The following IQSEC1 variants were observed in gnomAD, a reference collection of about 807,000 sequenced individuals.
The protein encoded by IQSEC1 is IQ motif and SEC7 domain-containing protein 1.
A neutral mutation model predicts 91.0 loss-of-function variants in IQSEC1; 31 were observed. That is an observed-to-expected ratio of 0.34 (90% CI 0.26 to 0.46). The LOEUF (loss-of-function observed/expected upper bound fraction) is 0.46, where lower values mean the gene tolerates loss of function less well. Among genes scored for constraint, IQSEC1 ranks in the 20% least tolerant of loss-of-function variants. The pLI is 1.00. For missense variants in IQSEC1, 1,388 were observed against 1,575.6 expected (o/e 0.88, Z 2.02); for synonymous variants, 699 against 662.6 (o/e 1.05, Z -0.84).
At chr3:13,216,102 T>C (rs1694541786) in intron 1 of IQSEC1, among the ~76,000 whole-genome samples, 1 of 152,238 alleles carries the variant, frequency 6.6e-6, no homozygotes, top group Non-Finnish European at 1.5e-5. Flanking sequence ...CTATTGGAAA[T>C]GCCTTTAAGT....
At chr3:13,156,157 G>C (rs1323412834) in intron 2 of IQSEC1, among the ~76,000 whole-genome samples, 5 of 152,036 alleles carry the variant, frequency 3.3e-5, no homozygotes, top group African/African-American at 7.2e-5. Flanking sequence ...GCTTGAACCT[G>C]GGAGGCAGAG....
At chr3:12,974,125 C>T (rs1049713804) in intron 1 of IQSEC1, among the ~76,000 whole-genome samples, 3 of 152,178 alleles carry the variant, frequency 2.0e-5, no homozygotes, top group Non-Finnish European at 2.9e-5. Flanking sequence ...CAGTGTCCCC[C>T]GCAAGGAGAA....
At chr3:12,946,488 G>C (rs552089130) in intron 1 of IQSEC1, among the ~76,000 whole-genome samples, 1 of 152,308 alleles carries the variant, frequency 6.6e-6, no homozygotes, top group African/African-American at 2.4e-5. Context: ...ATAGATTTGT[G>C]CAAAGGAAAT....
intron 1 of IQSEC1, among the ~76,000 whole-genome samples, chr3:13,004,918 G>A (rs1239172506): frequency 5.9e-5 from 9 of 152,256 alleles, no homozygotes; most frequent in Admixed American, 4.6e-4. Context: ...GAGGTTACAC[G>A]GATTCCCAAG....
intron 3 of IQSEC1, among the ~76,000 whole-genome samples, chr3:12,928,451 G>C (rs1697357350): frequency 6.6e-6 from 1 of 152,170 alleles, no homozygotes; most frequent in Non-Finnish European, 1.5e-5. Context: ...GCTGCAGCTG[G>C]ACAGCCAGGG....
intron 3 of IQSEC1, among the ~76,000 whole-genome samples, chr3:12,934,441 G>T (rs1209359175): frequency 6.6e-6 from 1 of 152,202 alleles, no homozygotes; most frequent in East Asian, 1.9e-4. Context: ...GGCAGACGGA[G>T]CAGGGAGCCA....
At chr3:12,974,508 C>T (rs1050653819) in intron 1 of IQSEC1, among the ~76,000 whole-genome samples, 12 of 152,192 alleles carry the variant, frequency 7.9e-5, no homozygotes, top group African/African-American at 2.4e-4. Context: ...GCAGGGCCCG[C>T]GAAGAACAGT....
In IQSEC1 at chr3:12,936,103, A is replaced by G. The variant is rs1698168376; in HGVS notation, c.913T>C (p.Ser305Pro). ...CTGGACGGCCGGTCCCCTGCCTGCG[A>G]GAGGGGCAGAGGGGGCGACAGCTCC... ...EEELSPPLPL[S>P]QAGDRPSSTE... The change falls in exon 3 of 14, where the codon TCG (serine) becomes CCG (proline). Residue 305 changes from serine (S) to proline (P), a missense_variant. By Grantham distance (74) the Ser-to-Pro change is moderately conservative. Coordinates refer to ENST00000613206, the MANE Select transcript of IQSEC1 (RefSeq NM_001134382.3). 1 of 1,610,954 alleles carries G rather than the reference A, an allele frequency of 6.2e-7. No individual in the cohort carries two copies. Among genetic ancestry groups the G allele is most frequent in the African/African-American group, 1.3e-5 (1 of 74,870 alleles).
At chr3:12,966,120 A>C (rs1202443803) in intron 1 of IQSEC1, among the ~76,000 whole-genome samples, 1 of 152,198 alleles carries the variant, frequency 6.6e-6, no homozygotes, top group Non-Finnish European at 1.5e-5. Context: ...TGGGATATGA[A>C]TAACATGACC....
At chr3:13,227,375 CAA>C (rs753199634) in intron 1 of IQSEC1, among the ~76,000 whole-genome samples, 6 of 70,066 alleles carry the variant, frequency 8.6e-5, no homozygotes, top group Admixed American at 1.8e-4. Flanking sequence ...GACTCTGTCT[CAA>C]AAAAAAAAAA....
At chr3:12,996,368 C>G (rs1414068666) in intron 1 of IQSEC1, among the ~76,000 whole-genome samples, 1 of 152,196 alleles carries the variant, frequency 6.6e-6, no homozygotes, top group Non-Finnish European at 1.5e-5. Flanking sequence ...CACGACTTTT[C>G]TGAGACTCAT....
In IQSEC1 at chr3:12,967,165, G is replaced by A. The variant is rs1472277976; in HGVS notation, c.24-25300C>T. On this transcript the variant is annotated intron_variant, in intron 1 of 13. Coordinates refer to ENST00000613206, the MANE Select transcript of IQSEC1 (RefSeq NM_001134382.3). This position sits in a 1 kb window ranked among gnomAD's most constrained non-coding sequence, Gnocchi z 5.9. Reference sequence around the variant, plus strand: ...CACACACAGCGCTCCTGTCCCAAGGGCGCGTCTCTCTCTCCCACGCACAAA... The same window carrying A: ...CACACACAGCGCTCCTGTCCCAAGGACGCGTCTCTCTCTCCCACGCACAAA... Among the ~76,000 whole-genome samples, 1 of 152,048 alleles carries A rather than the reference G, an allele frequency of 6.6e-6. No homozygotes were observed. The highest frequency in any genetic ancestry group is 6.6e-5 in the Admixed American group (1 of 15,266).
chr3:12,927,380 C>G lies in IQSEC1; in HGVS notation c.1569-2638G>C, dbSNP rs569276858. ...GGGCTAGGCTCCCCGACCCCTGCTGCCTGGTCCCTTCCCCACACAGGTGCA... is the reference window on the plus strand; with the variant it reads ...GGGCTAGGCTCCCCGACCCCTGCTGGCTGGTCCCTTCCCCACACAGGTGCA... On this transcript the variant is annotated intron_variant, in intron 3 of 13. Coordinates refer to ENST00000613206, the MANE Select transcript of IQSEC1 (RefSeq NM_001134382.3). 7.5e-4 allele frequency among the ~76,000 whole-genome samples: 110 copies of G among 146,856 alleles called. 1 individual carries two copies. Among genetic ancestry groups the G allele is most frequent in the African/African-American group, 2.7e-3 (103 of 38,320 alleles).
chr3:12,916,913 A>C lies in IQSEC1; in HGVS notation c.2021-1180T>G, dbSNP rs540067524. On this transcript the variant is annotated intron_variant, in intron 6 of 13. Transcript: ENST00000613206. ...GCAAGGTGCAAAGTAGCAGGGGATA[A>C]AACCATTCCTGCATATGTGCACTTG... Among the ~76,000 whole-genome samples the C allele has an allele frequency of 1.3e-4, 20 of 152,294 alleles. No individual in the cohort carries two copies. In the South Asian group the frequency reaches 3.7e-3, roughly 28 times the overall value.
At chr3:13,262,233 G>A (rs1333938492) in intron 1 of IQSEC1, among the ~76,000 whole-genome samples, 6 of 152,188 alleles carry the variant, frequency 3.9e-5, no homozygotes, top group Non-Finnish European at 5.9e-5. Flanking sequence ...GGGTCTGTGC[G>A]CTCAACACTT....
intron 1 of IQSEC1, among the ~76,000 whole-genome samples, chr3:13,270,187 C>T (rs752809262): frequency 3.3e-4 from 50 of 152,170 alleles, no homozygotes; most frequent in Non-Finnish European, 5.3e-4. Context: ...AGAAGAACCA[C>T]CCAGCCAAGC....
Position 13,073,079 on chromosome 3 carries a change from A to T in IQSEC1, c.-65T>A. The T allele has an allele frequency of 1.9e-6, 3 of 1,547,770 alleles. No individual in the cohort carries two copies. The highest frequency in any genetic ancestry group is 2.6e-6 in the Non-Finnish European group (3 of 1,143,530). On this transcript the variant is annotated 5_prime_UTR_variant, in exon 1 of 14. Transcript: ENST00000613206. Reference sequence around the variant, plus strand: ...CAGCGGGGAGGCTCAACGTGTTTCCAAGAGGAGCAGGCGGCTCAGGCAAGA... The same window carrying T: ...CAGCGGGGAGGCTCAACGTGTTTCCTAGAGGAGCAGGCGGCTCAGGCAAGA...
intron 1 of IQSEC1, among the ~76,000 whole-genome samples, chr3:12,962,462 A>G (rs1700301817): frequency 6.6e-6 from 1 of 152,178 alleles, no homozygotes; most frequent in African/African-American, 2.4e-5. Flanking sequence ...GTTTGTGTGA[A>G]TGAGGAGGAC....
chr3:12,964,833 A>G (rs1700460113), intron 1 of IQSEC1, among the ~76,000 whole-genome samples: 1 of 152,096 alleles, frequency 6.6e-6, no homozygotes, highest in South Asian at 2.1e-4. Context: ...ACAGATGCAC[A>G]CACATGCACA....
Sources: allele counts gnomAD v4.1 joint callset (sites outside exome capture counted in the v4.1 genomes callset), GRCh38; gene constraint gnomAD v4.1.1; non-coding constraint Gnocchi (gnomAD v3.1); transcripts MANE v1.5; gene names NCBI Gene and HGNC (gene_info 2026-07-23, HGNC 2026-07-21).